PREX1: variants seen among roughly 807,000 people sequenced by gnomAD.
PREX1 encodes phosphatidylinositol-3,4,5-trisphosphate dependent Rac exchange factor 1, also known as phosphatidylinositol 3,4,5-trisphosphate-dependent Rac exchanger 1 protein.
PREX1 carries 41 observed loss-of-function variants against 198.3 expected under a neutral mutation model. The ratio of observed to expected loss-of-function variants is 0.21; its 90% confidence interval spans 0.16 to 0.27. The LOEUF (loss-of-function observed/expected upper bound fraction) is 0.27, where lower values mean the gene tolerates loss of function less well. PREX1 is among the 10% of genes least tolerant of loss of function. PREX1 has a pLI of 1.00. For synonymous variants in PREX1, 843 were observed against 887.2 expected (o/e 0.95, Z 0.89); for missense variants, 1,620 against 2,200.7 (o/e 0.74, Z 5.28).
At chr20:48,656,960 C>T in intron 18 of PREX1, 80 bp downstream of exon 18, 2 of 1,483,944 alleles carry the variant, frequency 1.3e-6, no homozygotes, top group Non-Finnish European at 9.0e-7. Flanking sequence ...GGGACCAGGA[C>T]AGTTCATGCC....
intron 1 of PREX1, among the ~76,000 whole-genome samples, chr20:48,788,261 G>A (rs1028443558): frequency 1.3e-5 from 2 of 152,144 alleles, no homozygotes. Context: ...GATGTAACCT[G>A]GGTGAGTGAA....
chr20:48,671,995 A>G (rs532244798), intron 14 of PREX1, among the ~76,000 whole-genome samples: 23 of 152,342 alleles, frequency 1.5e-4, no homozygotes, highest in Admixed American at 6.5e-4. Context: ...TGGGGGGCTC[A>G]GGACAGAGTG....
chr20:48,673,599 A>G (rs983720361), intron 14 of PREX1, among the ~76,000 whole-genome samples: 3 of 152,208 alleles, frequency 2.0e-5, no homozygotes, highest in Admixed American at 6.5e-5. Flanking sequence ...CTCTGACTGA[A>G]GCACCTAAAC....
chr20:48,838,723 T>C, the PREX1 span, among the ~76,000 whole-genome samples: 23 of 152,090 alleles, frequency 1.5e-4, no homozygotes, highest in Admixed American at 1.5e-3. Flanking sequence ...GTATTACATA[T>C]TCATAGGAAA....
chr20:48,655,759 C>T (rs1413336529), intron 18 of PREX1, among the ~76,000 whole-genome samples: 2 of 152,182 alleles, frequency 1.3e-5, no homozygotes, highest in Non-Finnish European at 2.9e-5. Flanking sequence ...TCTGCTGGTA[C>T]ATCTCGGTGC....
chr20:48,792,134 T>C (rs2090341555), intron 1 of PREX1, among the ~76,000 whole-genome samples: 1 of 152,186 alleles, frequency 6.6e-6, no homozygotes, highest in African/African-American at 2.4e-5. Context: ...ATAGCACTGC[T>C]GTCTCCCCAA....
chr20:48,645,743 A>G (rs2089445731), intron 26 of PREX1, 108 bp downstream of exon 26: 1 of 1,274,278 alleles, frequency 7.8e-7, no homozygotes, highest in African/African-American at 1.5e-5. Flanking sequence ...CCCTGAGCCC[A>G]CTGCACCCTG....
intron 1 of PREX1, among the ~76,000 whole-genome samples, chr20:48,824,474 C>G (rs959329560): frequency 1.3e-5 from 2 of 152,196 alleles, no homozygotes; most frequent in Non-Finnish European, 2.9e-5. Context: ...TCTCTGATCA[C>G]CCCTGCTCTC....
At chr20:48,712,922 G>A (rs1462928016) in intron 5 of PREX1, among the ~76,000 whole-genome samples, 7 of 152,128 alleles carry the variant, frequency 4.6e-5, no homozygotes, top group African/African-American at 1.2e-4. Flanking sequence ...TCAGGAGTTC[G>A]AGACCAGCCT....
intron 28 of PREX1, 66 bp from the exon 29 acceptor site, chr20:48,642,324 C>G: frequency 6.2e-7 from 1 of 1,604,368 alleles, no homozygotes; most frequent in Non-Finnish European, 8.5e-7. Context: ...ACATCTGGGA[C>G]CCACAGCCCC....
At chr20:48,651,164 G>A in intron 22 of PREX1, 109 bp from the exon 23 acceptor site, 3 of 1,396,600 alleles carry the variant, frequency 2.1e-6, no homozygotes, top group Middle Eastern at 1.8e-4. Context: ...GGGAAGTCAG[G>A]TGTGTTGCTG....
At chr20:48,634,162 G>GGACA in intron 33 of PREX1, among the ~76,000 whole-genome samples, 1 of 112,834 alleles carries the variant, frequency 8.9e-6, no homozygotes, top group African/African-American at 3.0e-5. Context: ...ATGGATGGAT[G>GGACA]GATGGATGGA....
At chr20:48,811,572 A>T (rs1439424251) in intron 1 of PREX1, among the ~76,000 whole-genome samples, 2 of 151,628 alleles carry the variant, frequency 1.3e-5, no homozygotes, top group African/African-American at 4.9e-5. Flanking sequence ...CCAGACCTGG[A>T]TACACACACA....
intron 3 of PREX1, among the ~76,000 whole-genome samples, chr20:48,735,819 C>T (rs1319368526): frequency 2.0e-5 from 3 of 152,124 alleles, no homozygotes; most frequent in Non-Finnish European, 4.4e-5. Flanking sequence ...CCCCCTTAAC[C>T]CCAGTGACAG....
chr20:48,660,896 C>G (rs1162461847), intron 15 of PREX1, among the ~76,000 whole-genome samples: 1 of 152,216 alleles, frequency 6.6e-6, no homozygotes. Context: ...GGAAATGATG[C>G]TGAGACACTT....
At chr20:48,837,285 C>T in the PREX1 span, among the ~76,000 whole-genome samples, 1 of 152,204 alleles carries the variant, frequency 6.6e-6, no homozygotes, top group African/African-American at 2.4e-5. Flanking sequence ...GACCTAAAAA[C>T]AGAACTACCA....
At chr20:48,830,472 G>C (rs1356861945), upstream of PREX1, among the ~76,000 whole-genome samples, 1 of 152,260 alleles carries the variant, frequency 6.6e-6, no homozygotes, top group African/African-American at 2.4e-5. Flanking sequence ...AGCTGGCACA[G>C]AGTAGGTGCT....
At chr20:48,738,436 T>C (rs758030667) in intron 3 of PREX1, among the ~76,000 whole-genome samples, 40 of 152,178 alleles carry the variant, frequency 2.6e-4, no homozygotes, top group South Asian at 4.2e-4. Flanking sequence ...AAGGACAACA[T>C]CCCCTCTGCA....
At chr20:48,737,974 T>C (rs569077910) in intron 3 of PREX1, among the ~76,000 whole-genome samples, 1 of 152,144 alleles carries the variant, frequency 6.6e-6, no homozygotes, top group African/African-American at 2.4e-5. Flanking sequence ...TTTAAGCCTA[T>C]CTGAACTGGT....
Sources: allele counts gnomAD v4.1 joint callset (sites outside exome capture counted in the v4.1 genomes callset), GRCh38; gene constraint gnomAD v4.1.1; transcripts MANE v1.5; gene names NCBI Gene and HGNC (gene_info 2026-07-23, HGNC 2026-07-21).